Variants in TRIO observed in about 807,000 individuals in gnomAD.
TRIO encodes triple functional domain protein.
TRIO carries 58 observed loss-of-function variants against 351.9 expected under a neutral mutation model. The observed-to-expected ratio is 0.16, with a 90% CI of 0.13 to 0.21. The LOEUF (loss-of-function observed/expected upper bound fraction) is 0.21, where lower values mean the gene tolerates loss of function less well. Among genes scored for constraint, TRIO ranks in the 10% least tolerant of loss-of-function variants. The pLI is 1.00. For missense variants in TRIO, 3,201 were observed against 4,027.8 expected (o/e 0.79, Z 5.56); for synonymous variants, 1,758 against 1,595.7 (o/e 1.10, Z -2.42).
intron 53 of TRIO, among the ~76,000 whole-genome samples, chr5:14,500,964 C>T: frequency 6.7e-6 from 1 of 150,220 alleles, no homozygotes; most frequent in Non-Finnish European, 1.5e-5. Flanking sequence ...GAGCACCTGC[C>T]CACTATGATG....
chr5:14,329,085 G>A (rs115414611), intron 9 of TRIO, among the ~76,000 whole-genome samples: 2,971 of 152,288 alleles, frequency 0.02, 67 homozygotes, highest in Non-Finnish European at 0.025. Context: ...ACCAGCTGCT[G>A]CTTTTTTCCC....
At chr5:14,403,285 G>A (rs1457340738) in intron 31 of TRIO, among the ~76,000 whole-genome samples, 6 of 144,562 alleles carry the variant, frequency 4.2e-5, no homozygotes, top group East Asian at 2.2e-4. Context: ...TGGTGAGGGT[G>A]TAGGTTGTGG....
At chr5:14,339,489 T>C (rs1398273691) in intron 11 of TRIO, among the ~76,000 whole-genome samples, 1 of 152,222 alleles carries the variant, frequency 6.6e-6, no homozygotes, top group Non-Finnish European at 1.5e-5. Context: ...AAGGACTAAG[T>C]GGTTCACTTT....
chr5:14,368,062 G>T (rs77481777), intron 16 of TRIO, among the ~76,000 whole-genome samples: 3 of 152,112 alleles, frequency 2.0e-5, no homozygotes, highest in Admixed American at 6.5e-5. Flanking sequence ...TTGGCTCTAC[G>T]GCCTCACTGG....
At chr5:14,384,528 C>G (rs539294491) in intron 21 of TRIO, among the ~76,000 whole-genome samples, 1 of 152,080 alleles carries the variant, frequency 6.6e-6, no homozygotes, top group African/African-American at 2.4e-5. Flanking sequence ...TATAATATCT[C>G]ACTTTAAAAG....
intron 25 of TRIO, 87 bp downstream of exon 25, chr5:14,389,485 T>A: frequency 3.2e-6 from 3 of 933,128 alleles, no homozygotes; most frequent in Non-Finnish European, 4.8e-6. Flanking sequence ...CCCATTGAAT[T>A]AAGCAGATTT....
chr5:14,433,230 C>A (rs148514193), intron 34 of TRIO, among the ~76,000 whole-genome samples: 1 of 152,184 alleles, frequency 6.6e-6, no homozygotes, highest in Non-Finnish European at 1.5e-5. Flanking sequence ...AGGAGCCTAT[C>A]GAATTCTTGG....
chr5:14,471,489 C>T, intron 38 of TRIO, 23 bp downstream of exon 38: 1 of 1,612,962 alleles, frequency 6.2e-7, no homozygotes, highest in Non-Finnish European at 8.5e-7. Flanking sequence ...TGTTTTCATT[C>T]TTATTGTTCT....
intron 38 of TRIO, among the ~76,000 whole-genome samples, chr5:14,471,973 C>G (rs1030638654): frequency 5.9e-5 from 9 of 151,838 alleles, no homozygotes; most frequent in Non-Finnish European, 2.9e-5. Flanking sequence ...TTATTCAGCA[C>G]TGTATCCCAG....
At chr5:14,374,495 A>G (rs1253798725) in intron 19 of TRIO, 152 bp downstream of exon 19, 1 of 490,482 alleles carries the variant, frequency 2.0e-6, no homozygotes, top group African/African-American at 2.0e-5. Flanking sequence ...ATCTTAGTTT[A>G]ATAATAAAAA....
At chr5:14,334,138 A>AG (rs1741178303) in intron 10 of TRIO, among the ~76,000 whole-genome samples, 1 of 152,240 alleles carries the variant, frequency 6.6e-6, no homozygotes, top group Non-Finnish European at 1.5e-5. Flanking sequence ...ATGGGAAATC[A>AG]GGTAGTATCC....
chr5:14,366,362 T>C (rs896627623), intron 15 of TRIO, among the ~76,000 whole-genome samples: 2 of 152,170 alleles, frequency 1.3e-5, no homozygotes, highest in Admixed American at 6.5e-5. Context: ...ACCTGATCAT[T>C]GTAGCACAAT....
At chr5:14,386,353 G>A (rs531761430) in intron 21 of TRIO, among the ~76,000 whole-genome samples, 44 of 152,056 alleles carry the variant, frequency 2.9e-4, no homozygotes, top group Non-Finnish European at 5.7e-4. Flanking sequence ...GGAGTGTTGG[G>A]GTTATTTGTG....
chr5:14,185,631 G>C (rs1581302778), intron 1 of TRIO, among the ~76,000 whole-genome samples: 1 of 152,334 alleles, frequency 6.6e-6, no homozygotes, highest in South Asian at 2.1e-4. Flanking sequence ...GTGGGGAGGG[G>C]CTGAAGGATG....
intron 55 of TRIO, 140 bp from the exon 56 acceptor site, chr5:14,506,982 C>T (rs1206445321): frequency 1.7e-6 from 2 of 1,190,582 alleles, no homozygotes; most frequent in Non-Finnish European, 2.2e-6. Context: ...CTTGTCTAGT[C>T]ACGCCTTAGA....
At chr5:14,149,270 T>C (rs1037886022) in intron 1 of TRIO, among the ~76,000 whole-genome samples, 1 of 152,230 alleles carries the variant, frequency 6.6e-6, no homozygotes, top group African/African-American at 2.4e-5. Flanking sequence ...CCTGGCTAGA[T>C]TGTCCAGTGA....
chr5:14,241,308 A>G (rs1794113793), intron 1 of TRIO, among the ~76,000 whole-genome samples: 1 of 152,212 alleles, frequency 6.6e-6, no homozygotes, highest in Admixed American at 6.5e-5. Context: ...ATTTCATAAT[A>G]GGAAATTGAA....
At position 14,369,047 on chromosome 5, in the gene TRIO, A is replaced by G. The variant is rs140057886; in HGVS notation, c.3066+148A>G. The G allele has an allele frequency of 3.2e-4, 321 of 1,018,524 alleles. 3 individuals carry two copies. The highest frequency in any genetic ancestry group is 1.5e-3 in the Middle Eastern group (5 of 3,390). The allele number at this position is 1,018,524 out of a possible 1,614,324, so 63.1% of individuals were successfully genotyped here. A position where few individuals can be genotyped will look rare whatever the true frequency, so the allele number is the denominator to read the frequency against. On this transcript the variant is annotated intron_variant, in intron 17 of 56. Transcript: ENST00000344204. ...AGGGAAAAGGCATTCTGGAGTTAAAATTATTCCTGTGTACCTTAGATGTCA... is the reference window on the plus strand; with the variant it reads ...AGGGAAAAGGCATTCTGGAGTTAAAGTTATTCCTGTGTACCTTAGATGTCA...
chr5:14,359,273 C>G, intron 12 of TRIO, 84 bp from the exon 13 acceptor site: 2 of 1,515,848 alleles, frequency 1.3e-6, no homozygotes, highest in Non-Finnish European at 1.8e-6. Flanking sequence ...GCTTTCTTCC[C>G]CTGAAGATTT....
Sources: allele counts gnomAD v4.1 joint callset (sites outside exome capture counted in the v4.1 genomes callset), GRCh38; gene constraint gnomAD v4.1.1; transcripts MANE v1.5; gene names NCBI Gene and HGNC (gene_info 2026-07-23, HGNC 2026-07-21).